Variants in RNF150 observed in about 807,000 individuals in gnomAD.
RNF150 encodes the protein ring finger protein 150.
Under a neutral mutation model 39.3 loss-of-function variants are expected in RNF150, and 24 were observed. The ratio of observed to expected loss-of-function variants is 0.61; its 90% CI spans 0.44 to 0.86. The LOEUF (loss-of-function observed/expected upper bound fraction) is 0.86, where lower values mean the gene tolerates loss of function less well. Among genes scored for constraint, RNF150 ranks in the 40% least tolerant of loss-of-function variants. RNF150 has a pLI of 0.00. For missense variants in RNF150, 502 were observed against 587.8 expected (o/e 0.85, Z 1.51); for synonymous variants, 255 against 227.3 (o/e 1.12, Z -1.10).
At chr4:141,041,098 A>G (rs75083301) in intron 1 of RNF150, among the ~76,000 whole-genome samples, 1 of 152,124 alleles carries the variant, frequency 6.6e-6, no homozygotes, top group Non-Finnish European at 1.5e-5. Context: ...TTAAAAAAAA[A>G]TTAAGTCTCT....
intron 1 of RNF150, among the ~76,000 whole-genome samples, chr4:141,076,228 C>T (rs1737891203): frequency 6.6e-6 from 1 of 152,122 alleles, no homozygotes; most frequent in Non-Finnish European, 1.5e-5. Flanking sequence ...GTTCTAATGC[C>T]CTTCTCCATT....
At chr4:140,994,591 C>T (rs1235045516) in intron 1 of RNF150, among the ~76,000 whole-genome samples, 1 of 152,034 alleles carries the variant, frequency 6.6e-6, no homozygotes, top group Non-Finnish European at 1.5e-5. Context: ...CAACAAAAAC[C>T]ACATTTAAAA....
In RNF150 at chr4:141,071,556, A is replaced by T. The variant is rs190451513; in HGVS notation, c.484+60769T>A. Among the ~76,000 whole-genome samples the T allele has an allele frequency of 8.1e-3, 1,225 of 152,102 alleles. 12 individuals carry two copies. Among genetic ancestry groups the T allele is most frequent in the Non-Finnish European group, 0.013 (883 of 67,982 alleles). Reference sequence around the variant, plus strand: ...AGGAGGAAATTTGTTGCTGGAAAAAACGTGAAACATTTTGGCCTGGAGTGT... The same window carrying T: ...AGGAGGAAATTTGTTGCTGGAAAAATCGTGAAACATTTTGGCCTGGAGTGT... On this transcript the variant is annotated intron_variant, in intron 1 of 6. Coordinates refer to ENST00000515673, the MANE Select transcript of RNF150 (RefSeq NM_020724.2).
intron 1 of RNF150, among the ~76,000 whole-genome samples, chr4:140,980,725 G>A (rs1439553054): frequency 6.6e-6 from 1 of 152,100 alleles, no homozygotes; most frequent in Non-Finnish European, 1.5e-5. Context: ...GAACGTGTTT[G>A]CTTCCCCTTC....
chr4:141,197,067 T>A (rs950699150), intron 1 of RNF150, among the ~76,000 whole-genome samples: 1 of 150,822 alleles, frequency 6.6e-6, no homozygotes. Flanking sequence ...GTTTTAACAA[T>A]TTTTTTTTTA....
intron 1 of RNF150, among the ~76,000 whole-genome samples, chr4:141,180,162 A>G (rs1469761467): frequency 6.6e-6 from 1 of 152,172 alleles, no homozygotes; most frequent in East Asian, 1.9e-4. Flanking sequence ...GTGGCTCACA[A>G]AGTGAGGTCT....
At chr4:140,951,052 C>T (rs1372811783) in intron 2 of RNF150, among the ~76,000 whole-genome samples, 1 of 152,092 alleles carries the variant, frequency 6.6e-6, no homozygotes, top group Non-Finnish European at 1.5e-5. Flanking sequence ...ACTTTCCTCT[C>T]CTCTTCTTCT....
intron 1 of RNF150, among the ~76,000 whole-genome samples, chr4:141,070,476 T>G (rs1440304000): frequency 8.4e-4 from 124 of 147,796 alleles, no homozygotes; most frequent in African/African-American, 3.0e-3. Context: ...TTTCGCAACC[T>G]ACTCATCTGA....
intron 1 of RNF150, among the ~76,000 whole-genome samples, chr4:141,181,648 G>A (rs960174231): frequency 1.3e-5 from 2 of 151,990 alleles, no homozygotes; most frequent in East Asian, 3.9e-4. Context: ...ATTTTTTACT[G>A]TCATCAAATG....
chr4:141,009,281 G>C (rs966510280), intron 1 of RNF150, among the ~76,000 whole-genome samples: 2 of 152,156 alleles, frequency 1.3e-5, no homozygotes, highest in Non-Finnish European at 2.9e-5. Context: ...AGCAACACTG[G>C]AGAAGGAAAG....
chr4:141,206,409 G>C (rs1236840044), intron 1 of RNF150, among the ~76,000 whole-genome samples: 1 of 106,538 alleles, frequency 9.4e-6, no homozygotes, highest in African/African-American at 3.6e-5. Flanking sequence ...ACAACAATGA[G>C]ACTCAATCTC....
At chr4:140,918,638 C>A (rs1367147809) in intron 5 of RNF150, among the ~76,000 whole-genome samples, 1 of 151,940 alleles carries the variant, frequency 6.6e-6, no homozygotes, top group African/African-American at 2.4e-5. Context: ...CCTTCTGAAA[C>A]TATTCCAATC....
intron 5 of RNF150, among the ~76,000 whole-genome samples, chr4:140,913,137 T>C (rs372514429): frequency 9.9e-5 from 15 of 152,146 alleles, no homozygotes; most frequent in African/African-American, 3.4e-4. Context: ...GGTGCGCACC[T>C]GTAGTCCCAG....
intron 6 of RNF150, among the ~76,000 whole-genome samples, chr4:140,910,211 T>TA (rs1730540196): frequency 6.6e-6 from 1 of 152,124 alleles, no homozygotes; most frequent in Non-Finnish European, 1.5e-5. Context: ...TCAAAGAAAA[T>TA]ACCCTCAAAT....
chr4:140,866,341 C>T lies in RNF150; in HGVS notation c.*1920G>A, dbSNP rs1486955581. ...GCTTGGGGACTCATGTTATTAAACC[C>T]TTCACATTATAGATGAAGAAGCCGA... On this transcript the variant is annotated 3_prime_UTR_variant, in exon 7 of 7. Coordinates refer to ENST00000515673, the MANE Select transcript of RNF150 (RefSeq NM_020724.2). 2 of 152,172 alleles carry T rather than the reference C, an allele frequency of 1.3e-5. No individual in the cohort carries two copies. The highest frequency in any genetic ancestry group is 2.4e-5 in the African/African-American group (1 of 41,438). 9.4% of individuals were successfully genotyped at this position (152,172 alleles called of 1,614,324 possible).
intron 1 of RNF150, among the ~76,000 whole-genome samples, chr4:141,205,455 G>C (rs1159043363): frequency 1.3e-5 from 2 of 152,164 alleles, no homozygotes; most frequent in African/African-American, 4.8e-5. Context: ...CAAAATTAGA[G>C]AGGAAAAATG....
rs1479328626 is a variant in RNF150, at chr4:140,861,123, G to T, written c.*7138C>A. 2.0e-5 allele frequency: 3 copies of T among 152,036 alleles called. No homozygotes were observed. The highest frequency in any genetic ancestry group is 4.4e-5 in the Non-Finnish European group (3 of 68,018). 9.4% of individuals were successfully genotyped at this position (152,036 alleles called of 1,614,324 possible). ...TCTCAGATTACTAATGTGAAAGCAG[G>T]AAGTAAATATATTATGTACATGTAC... On this transcript the variant is annotated 3_prime_UTR_variant, in exon 7 of 7. Coordinates refer to ENST00000515673, the MANE Select transcript of RNF150 (RefSeq NM_020724.2).
intron 4 of RNF150, among the ~76,000 whole-genome samples, chr4:140,930,835 G>T (rs938415472): frequency 6.6e-6 from 1 of 152,138 alleles, no homozygotes; most frequent in African/African-American, 2.4e-5. Context: ...TGAGAGCTGG[G>T]TACAAAGATG....
At chr4:141,201,887 C>G (rs1728298236) in intron 1 of RNF150, among the ~76,000 whole-genome samples, 1 of 152,080 alleles carries the variant, frequency 6.6e-6, no homozygotes, top group Non-Finnish European at 1.5e-5. Context: ...CAATGTGATA[C>G]TATTAGAAGC....
Sources: allele counts gnomAD v4.1 joint callset (sites outside exome capture counted in the v4.1 genomes callset), GRCh38; gene constraint gnomAD v4.1.1; transcripts MANE v1.5; gene names NCBI Gene and HGNC (gene_info 2026-07-23, HGNC 2026-07-21).